IL1RAPL1: variants seen among roughly 807,000 people sequenced by gnomAD.
IL1RAPL1 encodes the protein interleukin-1 receptor accessory protein-like 1.
In IL1RAPL1, 3 loss-of-function variants were observed where a neutral mutation model predicts 48.4. That is an observed-to-expected ratio of 0.06 (90% CI 0.03 to 0.16). IL1RAPL1 has a LOEUF of 0.16. IL1RAPL1 is among the 10% of genes least tolerant of loss of function. The probability of loss-of-function intolerance (pLI) is 1.00; values close to 1 mark genes in which losing one functional copy is unlikely to be tolerated. For synonymous variants in IL1RAPL1, 185 were observed against 187.7 expected, an observed-to-expected ratio of 0.99 and a Z score of 0.12; for missense variants, 349 against 530.6, an observed-to-expected ratio of 0.66 and a Z score of 3.36.
chrX:29,162,740 G>C (rs1475073521), intron 2 of IL1RAPL1, among the ~76,000 whole-genome samples: 3 of 110,885 alleles, frequency 2.7e-5, no homozygotes, highest in Non-Finnish European at 5.7e-5. Flanking sequence ...TGAATACACT[G>C]TTATGTCTAC....
chrX:29,645,201 G>A (rs1434863054), intron 5 of IL1RAPL1, among the ~76,000 whole-genome samples: 1 of 111,471 alleles, frequency 9.0e-6, no homozygotes, highest in Admixed American at 9.5e-5. Flanking sequence ...GGTGGAGGGT[G>A]GAGTAGGATA....
chrX:28,664,493 C>A (rs1254296928), intron 1 of IL1RAPL1, among the ~76,000 whole-genome samples: 1 of 111,727 alleles, frequency 9.0e-6, no homozygotes, highest in African/African-American at 3.3e-5. Context: ...TGACATGTGC[C>A]TACATGTTTC....
At chrX:29,318,497 C>T (rs1423545994) in intron 3 of IL1RAPL1, among the ~76,000 whole-genome samples, 1 of 112,289 alleles carries the variant, frequency 8.9e-6, no homozygotes, top group African/African-American at 3.2e-5. Flanking sequence ...AATTATCCCC[C>T]TTTCTGTAGG....
chrX:29,178,052 G>A (rs1479291465), intron 2 of IL1RAPL1, among the ~76,000 whole-genome samples: 1 of 111,525 alleles, frequency 9.0e-6, no homozygotes, highest in South Asian at 3.8e-4. Context: ...TGTAATAAAC[G>A]TACGTGTGCA....
At chrX:29,792,622 C>T (rs760581258) in intron 6 of IL1RAPL1, among the ~76,000 whole-genome samples, 27 of 111,514 alleles carry the variant, frequency 2.4e-4, no homozygotes, top group Non-Finnish European at 4.1e-4. Context: ...ATCTAAAATA[C>T]AGGCAGAAGA....
intron 2 of IL1RAPL1, among the ~76,000 whole-genome samples, chrX:28,937,474 A>T (rs1386158834): frequency 1.8e-5 from 2 of 110,990 alleles, no homozygotes; most frequent in African/African-American, 6.5e-5. Context: ...TAGTAGTCAC[A>T]CTCCCGAAAC....
At chrX:29,293,249 C>G (rs1932396977) in intron 3 of IL1RAPL1, among the ~76,000 whole-genome samples, 1 of 108,435 alleles carries the variant, frequency 9.2e-6, no homozygotes, top group African/African-American at 3.3e-5. Context: ...TTTTAACCAT[C>G]TAGGAAATAC....
intron 2 of IL1RAPL1, 106 bp from the exon 3 acceptor site, chrX:29,282,832 T>C: frequency 2.4e-6 from 2 of 834,397 alleles, no homozygotes; most frequent in South Asian, 4.4e-5. Context: ...TCTGACCCAA[T>C]ATGGATGCTC....
chrX:29,315,322 A>G (rs1932765234), intron 3 of IL1RAPL1, among the ~76,000 whole-genome samples: 1 of 111,704 alleles, frequency 9.0e-6, no homozygotes, highest in Admixed American at 9.5e-5. Flanking sequence ...AGAGGATGGA[A>G]GGATCAAAGG....
intron 3 of IL1RAPL1, among the ~76,000 whole-genome samples, chrX:29,386,174 G>A (rs966792704): frequency 9.0e-5 from 10 of 110,885 alleles, no homozygotes; most frequent in Admixed American, 2.9e-4. Context: ...GATTACAGGC[G>A]CCCACCACCA....
chrX:29,721,591 C>G (rs1601795103), intron 6 of IL1RAPL1, among the ~76,000 whole-genome samples: 1 of 111,925 alleles, frequency 8.9e-6, no homozygotes, highest in African/African-American at 3.2e-5. Flanking sequence ...CACCTCCCCT[C>G]CTGAACTCCA....
At chrX:29,314,485 T>A (rs1932760603) in intron 3 of IL1RAPL1, among the ~76,000 whole-genome samples, 1 of 112,781 alleles carries the variant, frequency 8.9e-6, no homozygotes, top group South Asian at 3.6e-4. Flanking sequence ...AGCTACTTGA[T>A]CACTGTGTAG....
chrX:29,237,985 CTG>C (rs772684305), intron 2 of IL1RAPL1, among the ~76,000 whole-genome samples: 4 of 112,329 alleles, frequency 3.6e-5, no homozygotes, highest in Non-Finnish European at 5.6e-5. Flanking sequence ...TATGGGGAGA[CTG>C]TGGAGGAAAC....
At chrX:28,787,299 A>G (rs1936485687) in intron 1 of IL1RAPL1, among the ~76,000 whole-genome samples, 1 of 111,989 alleles carries the variant, frequency 8.9e-6, no homozygotes, top group East Asian at 2.8e-4. Flanking sequence ...ACTTACACAG[A>G]GAAGAACTGA....
chrX:29,949,270 C>G (rs1262591749), intron 9 of IL1RAPL1, among the ~76,000 whole-genome samples: 1 of 111,967 alleles, frequency 8.9e-6, no homozygotes, highest in African/African-American at 3.2e-5. Flanking sequence ...AGAGTCCAAA[C>G]TTCCTTCTTT....
At chrX:29,328,642 T>TAGAG (rs372684157) in intron 3 of IL1RAPL1, among the ~76,000 whole-genome samples, 59 of 103,994 alleles carry the variant, frequency 5.7e-4, no homozygotes, top group African/African-American at 2.0e-3. Flanking sequence ...TATATATATA[T>TAGAG]AGAGAGAGAG....
At chrX:29,255,142 CGT>C (rs200536177) in intron 2 of IL1RAPL1, among the ~76,000 whole-genome samples, 271 of 62,394 alleles carry the variant, frequency 4.3e-3, no homozygotes, top group African/African-American at 9.6e-3. Context: ...TGTGTGTGTG[CGT>C]GTGTGTGTGT....
intron 2 of IL1RAPL1, among the ~76,000 whole-genome samples, chrX:29,192,582 C>A (rs1930372681): frequency 9.0e-6 from 1 of 111,556 alleles, no homozygotes; most frequent in Non-Finnish European, 1.9e-5. Context: ...ACATTGAATG[C>A]CATTTTAAGA....
intron 2 of IL1RAPL1, among the ~76,000 whole-genome samples, chrX:29,167,726 C>T (rs928169554): frequency 9.0e-6 from 1 of 110,678 alleles, no homozygotes; most frequent in Non-Finnish European, 1.9e-5. Flanking sequence ...GCCATAAATA[C>T]TTAATACAGG....
Sources: gnomAD v4.1 joint callset for allele counts (sites outside exome capture counted in the v4.1 genomes callset) on GRCh38, gnomAD v4.1.1 for gene constraint, MANE v1.5 for transcripts, NCBI Gene and HGNC (gene_info 2026-07-23, HGNC 2026-07-21) for gene names.